Variants in SMOC1 observed in about 807,000 individuals in gnomAD.
The protein encoded by SMOC1 is SPARC related modular calcium binding 1, also known as SPARC-related modular calcium-binding protein 1.
In SMOC1, 22 loss-of-function variants were observed where a neutral mutation model predicts 56.3. That is an observed-to-expected ratio of 0.39 (90% CI 0.28 to 0.56). The LOEUF is 0.56. Among genes scored for constraint, SMOC1 ranks in the 20% least tolerant of loss-of-function variants. SMOC1 has a pLI of 0.61. For missense variants in SMOC1, 509 were observed against 565.4 expected (o/e 0.90, Z 1.01); for synonymous variants, 193 against 215.0 (o/e 0.90, Z 0.89).
intron 1 of SMOC1, among the ~76,000 whole-genome samples, chr14:69,901,222 GC>G (rs1884233770): frequency 6.6e-6 from 1 of 152,206 alleles, no homozygotes; most frequent in Non-Finnish European, 1.5e-5. Context: ...AAAGAGAAGG[GC>G]TGCTTGAATT....
At chr14:70,023,122 G>C in intron 10 of SMOC1, 81 bp from the exon 11 acceptor site, 2 of 1,607,204 alleles carry the variant, frequency 1.2e-6, no homozygotes, top group Non-Finnish European at 1.7e-6. Flanking sequence ...GACTTTCTGG[G>C]GGCAGTCATA....
rs905017390 is a variant in SMOC1 at position 69,992,569 on chromosome 14, A to C, written c.583+96A>C. On this transcript the variant is annotated intron_variant, in intron 6 of 11. Coordinates refer to ENST00000361956, the MANE Select transcript of SMOC1 (RefSeq NM_001034852.3). ...GGATGTTTGTTTAAGTTTTATTATT[A>C]TTATTTTCTTTTTTAATTTCAATTT... 84 of 986,216 alleles carry C rather than the reference A, an allele frequency of 8.5e-5. 2 individuals are homozygous for C. In the South Asian group the frequency reaches 1.1e-3, roughly 13 times the overall value. The allele number at this position is 986,216 out of a possible 1,614,324, so 61.1% of individuals were successfully genotyped here.
Position 70,010,950 on chromosome 14 carries a change from A to G in SMOC1, c.857+4A>G, listed in dbSNP as rs765848716. The G allele has an allele frequency of 6.2e-7, 1 of 1,612,092 alleles. No individual in the cohort carries two copies. Among genetic ancestry groups the G allele is most frequent in the Non-Finnish European group, 8.5e-7 (1 of 1,179,936 alleles). The stretch of plus-strand genomic sequence containing the variant: ...CGCTGCCTGGGACCTCCACACGGTA[A>G]GCCCCCCAGACTGGGTCCTGGGAAA... On this transcript the variant is annotated splice_donor_region_variant and intron_variant, in intron 8 of 11. Coordinates refer to ENST00000361956, the MANE Select transcript of SMOC1 (RefSeq NM_001034852.3).
At chr14:69,917,464 A>G (rs1341438867) in intron 1 of SMOC1, among the ~76,000 whole-genome samples, 1 of 152,198 alleles carries the variant, frequency 6.6e-6, no homozygotes, top group Non-Finnish European at 1.5e-5. Context: ...AAAACAAAAC[A>G]CGTAGAGGTA....
At chr14:70,007,577 A>G (rs549257486) in intron 7 of SMOC1, among the ~76,000 whole-genome samples, 1 of 152,350 alleles carries the variant, frequency 6.6e-6, no homozygotes, top group African/African-American at 2.4e-5. Flanking sequence ...AGCTCACTGT[A>G]AAAATAAATT....
At chr14:70,019,307 T>C (rs1885630266) in intron 10 of SMOC1, among the ~76,000 whole-genome samples, 2 of 152,230 alleles carry the variant, frequency 1.3e-5, no homozygotes, top group African/African-American at 2.4e-5. Flanking sequence ...GTCTGAACCA[T>C]AGTCTTCTAA....
chr14:69,927,956 G>T (rs115112642), intron 1 of SMOC1, among the ~76,000 whole-genome samples: 1,776 of 152,310 alleles, frequency 0.012, 37 homozygotes, highest in African/African-American at 0.039. Flanking sequence ...ATAAACAGAG[G>T]GGTGAAGGGG....
chr14:69,937,603 C>T lies in SMOC1; in HGVS notation c.100-14535C>T, dbSNP rs191882945. On this transcript the variant is annotated intron_variant, in intron 1 of 11. Coordinates refer to ENST00000361956, the MANE Select transcript of SMOC1 (RefSeq NM_001034852.3). ...AGACGTGAGCCTGGGGCCTGGGCAGCGGTCATCAATCCTTGTCTGAGCGAC... is the reference window on the plus strand; with the variant it reads ...AGACGTGAGCCTGGGGCCTGGGCAGTGGTCATCAATCCTTGTCTGAGCGAC... Among the ~76,000 whole-genome samples, 205 of 152,308 alleles carry T rather than the reference C, an allele frequency of 1.3e-3. 1 individual carries two copies. The highest frequency in any genetic ancestry group is 4.6e-3 in the African/African-American group (191 of 41,576).
intron 1 of SMOC1, among the ~76,000 whole-genome samples, chr14:69,898,959 TA>T (rs1312243277): frequency 6.6e-6 from 1 of 152,124 alleles, no homozygotes; most frequent in African/African-American, 2.4e-5. Flanking sequence ...AGAAGCATTC[TA>T]TAGTCCTATG....
chr14:69,914,577 G>GAAGGAAACAAAC (rs1555358784), intron 1 of SMOC1, among the ~76,000 whole-genome samples: 6 of 151,160 alleles, frequency 4.0e-5, no homozygotes, highest in African/African-American at 1.2e-4. Context: ...CAGTAGGAAG[G>GAAGGAAACAAAC]AAACAAACAA....
In SMOC1 at chr14:70,023,241, G is replaced by A. The variant is rs762858231; in HGVS notation, c.1085G>A (p.Arg362Gln). ...GACCCCAGCCACACCCTGGAGGAGC[G>A]GGTAGTGCACTGGTATTTCAGCCAG... ...EPDPSHTLEE[R>Q]VVHWYFSQLD... The change falls in exon 11 of 12, where the codon CGG becomes CAG. Residue 362 changes from arginine to glutamine, a missense_variant. By Grantham distance (43) the Arg-to-Gln change is conservative. Around this residue, in one of 3 missense-constraint regions of SMOC1, gnomAD observed 176 missense variants for 188.1 expected, o/e 0.94. Transcript: ENST00000361956. The A allele has an allele frequency of 1.4e-5, 22 of 1,614,036 alleles. No individual in the cohort carries two copies. Among genetic ancestry groups the A allele is most frequent in the Middle Eastern group, 1.6e-4 (1 of 6,084 alleles).
intron 7 of SMOC1, among the ~76,000 whole-genome samples, chr14:70,009,337 T>C (rs1275233982): frequency 6.6e-6 from 1 of 152,218 alleles, no homozygotes; most frequent in Non-Finnish European, 1.5e-5. Context: ...ATCTGACTTA[T>C]CTGTAAAACT....
intron 1 of SMOC1, among the ~76,000 whole-genome samples, chr14:69,925,754 C>T (rs2139379497): frequency 6.6e-6 from 1 of 152,264 alleles, no homozygotes; most frequent in East Asian, 1.9e-4. Flanking sequence ...CTCTCTGGAA[C>T]CTGGAGGGGT....
intron 10 of SMOC1, 54 bp downstream of exon 10, chr14:70,013,545 T>A: frequency 1.4e-6 from 2 of 1,454,780 alleles, no homozygotes; most frequent in South Asian, 1.1e-5. Context: ...GCCCCTGACT[T>A]TTCAAATGCT....
At chr14:69,939,387 C>T (rs1267420970) in intron 1 of SMOC1, among the ~76,000 whole-genome samples, 2 of 152,202 alleles carry the variant, frequency 1.3e-5, no homozygotes, top group Non-Finnish European at 2.9e-5. Flanking sequence ...AAAAAACCAC[C>T]CCCATGATTC....
intron 1 of SMOC1, among the ~76,000 whole-genome samples, chr14:69,925,348 G>T (rs1213608805): frequency 1.3e-5 from 2 of 151,888 alleles, no homozygotes; most frequent in Admixed American, 1.3e-4. Flanking sequence ...TCCTTTAGTA[G>T]ATTGGAGGGC....
chr14:69,912,824 G>A (rs916838743), intron 1 of SMOC1, among the ~76,000 whole-genome samples: 1 of 152,060 alleles, frequency 6.6e-6, no homozygotes, highest in African/African-American at 2.4e-5. Context: ...GTCCCTCCTC[G>A]GGCTGCAGTT....
intron 10 of SMOC1, among the ~76,000 whole-genome samples, chr14:70,016,953 C>T (rs9323532): frequency 0.036 from 5,420 of 152,234 alleles, 315 homozygotes; most frequent in African/African-American, 0.12. Context: ...ATTTTGCTGG[C>T]TTGTTGATAT....
At chr14:69,903,812 C>A (rs555021518) in intron 1 of SMOC1, among the ~76,000 whole-genome samples, 45 of 151,726 alleles carry the variant, frequency 3.0e-4, no homozygotes, top group Non-Finnish European at 5.9e-4. Context: ...GACCTTTGTT[C>A]ACTTGTTTAT....
Sources: allele counts gnomAD v4.1 joint callset (sites outside exome capture counted in the v4.1 genomes callset), GRCh38; gene constraint gnomAD v4.1.1; regional missense constraint gnomAD v4.1.1; transcripts MANE v1.5; gene names NCBI Gene and HGNC (gene_info 2026-07-23, HGNC 2026-07-21).